Variants in VAX2 observed in about 807,000 individuals in gnomAD.
The protein encoded by VAX2 is ventral anterior homeobox 2.
In VAX2, 8 loss-of-function variants were observed where a neutral mutation model predicts 12.5. The ratio of observed to expected loss-of-function variants is 0.64; its 90% CI spans 0.37 to 1.15. The LOEUF is 1.15. Ranked by LOEUF, VAX2 falls within the 50% of genes most tolerant of loss-of-function variation. The pLI, the probability that VAX2 is intolerant of heterozygous loss-of-function variation, is 0.01. For synonymous variants in VAX2, 183 were observed against 187.6 expected, an observed-to-expected ratio of 0.98 and a Z score of 0.20; for missense variants, 476 against 412.9, an observed-to-expected ratio of 1.15 and a Z score of -1.32.
rs1679123535 is a variant in VAX2 at position 70,908,902 on chromosome 2, C to G, written c.247+8034C>G. 4.6e-5 allele frequency among the ~76,000 whole-genome samples: 7 copies of G among 152,334 alleles called. 1 individual carries two copies. In the South Asian group the frequency reaches 1.2e-3, roughly 27 times the overall value. ...AGTTACTTATGTCCACCCCTTTGCCCTGTCCCCACACTGGACATTTTGTAT... is the reference window on the plus strand; with the variant it reads ...AGTTACTTATGTCCACCCCTTTGCCGTGTCCCCACACTGGACATTTTGTAT... On this transcript the variant is annotated intron_variant, in intron 1 of 2. Coordinates refer to ENST00000234392, the MANE Select transcript of VAX2 (RefSeq NM_012476.3).
chr2:70,920,047 GTTGCTTGCTTTCTTGGGCTTCCT>G (rs1558659096), intron 1 of VAX2, among the ~76,000 whole-genome samples: 3 of 152,124 alleles, frequency 2.0e-5, no homozygotes, highest in Non-Finnish European at 4.4e-5. Flanking sequence ...CCTGTGGAGG[GTTGCTTGCTTTCTTGGGCTTCCT>G]CAAGGCGGCC....
At chr2:70,920,168 A>G (rs1467883253) in intron 1 of VAX2, among the ~76,000 whole-genome samples, 1 of 152,204 alleles carries the variant, frequency 6.6e-6, no homozygotes, top group Non-Finnish European at 1.5e-5. Flanking sequence ...ATTTGTAGGG[A>G]GTGATTTTGT....
At chr2:70,911,402 AC>A (rs1679181365) in intron 1 of VAX2, among the ~76,000 whole-genome samples, 1 of 152,196 alleles carries the variant, frequency 6.6e-6, no homozygotes, top group African/African-American at 2.4e-5. Flanking sequence ...AAACTATGCT[AC>A]AAACAGTGGG....
rs1160615970 is a variant in VAX2 at position 70,904,053 on chromosome 2, G to A, written c.247+3185G>A. On this transcript the variant is annotated intron_variant, in intron 1 of 2. Coordinates refer to ENST00000234392, the MANE Select transcript of VAX2 (RefSeq NM_012476.3). The surrounding 1 kb of genome is among the most constrained non-coding windows in gnomAD (Gnocchi z 4.2). ...ATGTCACACATGGGCACGGACCAGA[G>A]CTGCTGAGATGATAGGCCGGGCGCA... Among the ~76,000 whole-genome samples the A allele has an allele frequency of 1.3e-5, 2 of 152,202 alleles. No individual in the cohort carries two copies. The highest frequency in any genetic ancestry group is 2.4e-5 in the African/African-American group (1 of 41,444).
intron 1 of VAX2, among the ~76,000 whole-genome samples, chr2:70,919,793 A>C (rs1319977923): frequency 6.6e-6 from 1 of 152,238 alleles, no homozygotes; most frequent in Non-Finnish European, 1.5e-5. Context: ...TCGAGACTGC[A>C]GTAAGCTGAG....
At chr2:70,917,562 G>A (rs1453375990) in intron 1 of VAX2, among the ~76,000 whole-genome samples, 2 of 152,052 alleles carry the variant, frequency 1.3e-5, no homozygotes, top group African/African-American at 4.8e-5. Flanking sequence ...GTTCTGATAG[G>A]TGTTTCTTAT....
chr2:70,928,785 T>C (rs772167935), intron 2 of VAX2, among the ~76,000 whole-genome samples: 2 of 152,218 alleles, frequency 1.3e-5, no homozygotes, highest in Non-Finnish European at 2.9e-5. Context: ...CTCCCTCTAG[T>C]TCAGAAACAG....
chr2:70,933,028 T>C lies in VAX2; in HGVS notation c.697T>C (p.Ser233Pro). 6.3e-7 allele frequency: 1 copy of C among 1,599,100 alleles called. No homozygotes were observed. The highest frequency in any genetic ancestry group is 1.7e-5 in the Admixed American group (1 of 57,830). Residue 233 changes from serine (S) to proline (P), a missense_variant, in exon 3 of 3, where the codon TCC becomes CCC. Ser to Pro is a moderately conservative substitution (Grantham distance 74, BLOSUM62 -1). Coordinates refer to ENST00000234392, the MANE Select transcript of VAX2 (RefSeq NM_012476.3). ...RNSSPRLNPL[S>P]SASASPPLPP... ...CTCCTCCCCACGCCTCAACCCGCTG[T>C]CCTCGGCCTCAGCGTCCCCCCCACT... is the stretch of plus-strand genomic sequence containing the variant.
At chr2:70,930,310 A>T (rs1679665074) in intron 2 of VAX2, among the ~76,000 whole-genome samples, 1 of 152,184 alleles carries the variant, frequency 6.6e-6, no homozygotes, top group Admixed American at 6.5e-5. Context: ...CCCACTCAGA[A>T]CAGCCTTGAC....
Position 70,904,123 on chromosome 2 carries a change from C to T in VAX2, c.247+3255C>T, listed in dbSNP as rs1320369273. On this transcript the variant is annotated intron_variant, in intron 1 of 2. Coordinates refer to ENST00000234392, the MANE Select transcript of VAX2 (RefSeq NM_012476.3). This position sits in a 1 kb window ranked among gnomAD's most constrained non-coding sequence, Gnocchi z 4.2. ...CGCACCGCGGACGCAGCGATCCTCCCATTTGTACCCTAAGGCCTGAGAAGG... is the reference window on the plus strand; with the variant it reads ...CGCACCGCGGACGCAGCGATCCTCCTATTTGTACCCTAAGGCCTGAGAAGG... 6.6e-6 allele frequency among the ~76,000 whole-genome samples: 1 copy of T among 152,260 alleles called. No homozygotes were observed. The highest frequency in any genetic ancestry group is 6.5e-5 in the Admixed American group (1 of 15,290).
chr2:70,930,858 C>A (rs564835867), intron 2 of VAX2, among the ~76,000 whole-genome samples: 3 of 152,382 alleles, frequency 2.0e-5, no homozygotes, highest in East Asian at 3.9e-4. Context: ...GGGCCCTCCC[C>A]TCCACGGTTC....
At chr2:70,918,610 C>G (rs1314978736) in intron 1 of VAX2, among the ~76,000 whole-genome samples, 3 of 152,154 alleles carry the variant, frequency 2.0e-5, no homozygotes, top group African/African-American at 7.2e-5. Flanking sequence ...GAATTATCAA[C>G]CGAGGGCTGG....
chr2:70,915,121 T>C (rs1553411767), intron 1 of VAX2, among the ~76,000 whole-genome samples: 1 of 151,202 alleles, frequency 6.6e-6, no homozygotes, highest in Non-Finnish European at 1.5e-5. Context: ...TTAAATGTAT[T>C]TTTTTTTTCA....
intron 1 of VAX2, among the ~76,000 whole-genome samples, chr2:70,903,661 G>T (rs1387168070): frequency 6.6e-6 from 1 of 152,202 alleles, no homozygotes; most frequent in Non-Finnish European, 1.5e-5. Context: ...CAAACACCCA[G>T]TAGGATCTTC....
At chr2:70,932,151 A>G (rs1390192679) in intron 2 of VAX2, among the ~76,000 whole-genome samples, 1 of 152,118 alleles carries the variant, frequency 6.6e-6, no homozygotes, top group African/African-American at 2.4e-5. Context: ...GGGAGAGAGG[A>G]GGGTCTGTTC....
intron 1 of VAX2, among the ~76,000 whole-genome samples, chr2:70,919,620 C>G (rs1430975760): frequency 2.6e-5 from 4 of 152,130 alleles, no homozygotes. Flanking sequence ...GCGGGCAGAT[C>G]ACTTGAACCC....
At chr2:70,916,356 T>A (rs782811137) in intron 1 of VAX2, among the ~76,000 whole-genome samples, 14 of 152,364 alleles carry the variant, frequency 9.2e-5, no homozygotes, top group South Asian at 8.3e-4. Flanking sequence ...TTAACTAGAC[T>A]ACAGACCTTC....
intron 1 of VAX2, among the ~76,000 whole-genome samples, 165 bp downstream of exon 1, chr2:70,901,033 A>C (rs1339453378): frequency 2.0e-5 from 3 of 152,250 alleles, no homozygotes; most frequent in Admixed American, 6.5e-5. Flanking sequence ...TGTGCTGGAC[A>C]TTAAGCTGAG....
intron 1 of VAX2, among the ~76,000 whole-genome samples, chr2:70,910,559 A>G (rs1679159484): frequency 2.0e-5 from 3 of 152,216 alleles, no homozygotes; most frequent in Middle Eastern, 3.4e-3. Flanking sequence ...AAGTGACAGA[A>G]TAATCTCATT....
Sources: allele counts gnomAD v4.1 joint callset (sites outside exome capture counted in the v4.1 genomes callset), GRCh38; gene constraint gnomAD v4.1.1; non-coding constraint Gnocchi (gnomAD v3.1); transcripts MANE v1.5; gene names NCBI Gene and HGNC (gene_info 2026-07-23, HGNC 2026-07-21).